The following SYDE2 variants were observed in gnomAD, a reference collection of about 807,000 sequenced individuals.
The protein encoded by SYDE2 is rho GTPase-activating protein SYDE2.
SYDE2 carries 76 observed loss-of-function variants against 91.5 expected under a neutral mutation model. The ratio of observed to expected loss-of-function variants is 0.83; its 90% CI spans 0.69 to 1.01. SYDE2 has a LOEUF of 1.01. SYDE2 is among the 50% of genes least tolerant of loss of function. The pLI, the probability that SYDE2 is intolerant of heterozygous loss-of-function variation, is 0.00. For missense variants in SYDE2, 1,364 were observed against 1,367.7 expected (o/e 1.00, Z 0.04); for synonymous variants, 513 against 506.4 (o/e 1.01, Z -0.18).
In SYDE2 at chr1:85,163,540, A is replaced by G. The variant is rs1206834942; in HGVS notation, c.3085+986T>C. ...TCACTTTGTGCTAAACATTTTGCTCATTGCCTTAGATGCTTTATCTCAATC... is the reference window on the plus strand; with the variant it reads ...TCACTTTGTGCTAAACATTTTGCTCGTTGCCTTAGATGCTTTATCTCAATC... On this transcript the variant is annotated intron_variant, in intron 6 of 6. Transcript: ENST00000341460. Among the ~76,000 whole-genome samples the G allele has an allele frequency of 2.1e-5, 3 of 145,050 alleles. No individual in the cohort carries two copies. In the South Asian group the frequency reaches 6.7e-4, roughly 33 times the overall value.
chr1:85,172,331 G>A (rs1228227258), intron 4 of SYDE2, among the ~76,000 whole-genome samples: 3 of 152,168 alleles, frequency 2.0e-5, no homozygotes, highest in Non-Finnish European at 4.4e-5. Flanking sequence ...ATATTAAGTA[G>A]ACACTCCAGA....
chr1:85,198,860 T>G (rs1658700887), intron 1 of SYDE2, among the ~76,000 whole-genome samples: 1 of 152,132 alleles, frequency 6.6e-6, no homozygotes, highest in Non-Finnish European at 1.5e-5. Context: ...TGATTACAAA[T>G]TACTCCTGGA....
chr1:85,162,194 A>G lies in SYDE2; in HGVS notation c.3085+2332T>C, dbSNP rs1003665216. Among the ~76,000 whole-genome samples, 13 of 152,360 alleles carry G rather than the reference A, an allele frequency of 8.5e-5. No homozygotes were observed. In the East Asian group the frequency reaches 2.3e-3, roughly 27 times the overall value. On this transcript the variant is annotated intron_variant, in intron 6 of 6. Transcript: ENST00000341460. The stretch of plus-strand genomic sequence containing the variant: ...ACATGAAACAAAACAAAAAGTTTAG[A>G]AAATAAAAAATAAGGGGGCGACTCT...
intron 3 of SYDE2, among the ~76,000 whole-genome samples, chr1:85,178,771 CT>C (rs1282344178): frequency 6.6e-6 from 1 of 150,692 alleles, no homozygotes; most frequent in Non-Finnish European, 1.5e-5. Context: ...CTATATAAAA[CT>C]TTTTAAGAAA....
Position 85,157,375 on chromosome 1 carries a change from ATAAGT to A in SYDE2, c.*1370_*1374del, listed in dbSNP as rs1353857712. 6.6e-6 allele frequency: 1 copy of A among 152,160 alleles called. No homozygotes were observed. The highest frequency in any genetic ancestry group is 1.5e-5 in the Non-Finnish European group (1 of 67,980). The allele number at this position is 152,160 out of a possible 1,614,324, so 9.4% of individuals were successfully genotyped here. The stretch of plus-strand genomic sequence containing the variant: ...AACATTGTATATATACTTAGCCAAA[ATAAGT>A]TAATTTTTAAAAATCAGTAACATGT... On this transcript the variant is annotated 3_prime_UTR_variant, in exon 7 of 7. Transcript: ENST00000341460.
At chr1:85,194,298 G>A (rs1248399818) in intron 1 of SYDE2, among the ~76,000 whole-genome samples, 1 of 150,610 alleles carries the variant, frequency 6.6e-6, no homozygotes, top group African/African-American at 2.4e-5. Context: ...AAGAGTTTTA[G>A]CTTCATATAT....
downstream of SYDE2, among the ~76,000 whole-genome samples, chr1:85,155,550 A>G (rs974047222): frequency 2.0e-5 from 3 of 152,238 alleles, no homozygotes; most frequent in Non-Finnish European, 4.4e-5. Flanking sequence ...TGCAAAAGCC[A>G]TGACCCAATT....
intron 1 of SYDE2, among the ~76,000 whole-genome samples, chr1:85,196,021 T>C (rs1021285409): frequency 1.3e-5 from 2 of 152,210 alleles, no homozygotes; most frequent in African/African-American, 2.4e-5. Flanking sequence ...ACCATTGTCC[T>C]ATACGGCCTC....
chr1:85,166,352 ATT>A, intron 5 of SYDE2, among the ~76,000 whole-genome samples: 1 of 144,330 alleles, frequency 6.9e-6, no homozygotes, highest in African/African-American at 2.5e-5. Flanking sequence ...AAAAAAAAAA[ATT>A]TTTTTTTTTT....
At chr1:85,180,642 A>T (rs1429630614) in intron 3 of SYDE2, among the ~76,000 whole-genome samples, 1 of 151,526 alleles carries the variant, frequency 6.6e-6, no homozygotes, top group Non-Finnish European at 1.5e-5. Flanking sequence ...GTGAGCTGAG[A>T]CTGCGCCATT....
chr1:85,200,168 CTT>C, intron 1 of SYDE2, 82 bp downstream of exon 1: 1 of 1,586,220 alleles, frequency 6.3e-7, no homozygotes, highest in Non-Finnish European at 8.5e-7. Flanking sequence ...AAAAACATAA[CTT>C]TTTCTTGGCT....
chr1:85,182,803 C>T lies in SYDE2; in HGVS notation c.1839G>A (p.Lys613=), dbSNP rs1369207654. The part of the protein sequence containing the change: ...SYQKKNSMSS[K]YSCKGGYLSD... ...TAAGGTAACCACCTTTGCAGGAATA[C>T]TTAGAACTCATAGAGTTTTTCTTCT... is the stretch of plus-strand genomic sequence containing the variant. Residue 613 remains lysine, a synonymous_variant, in exon 3 of 7, where the codon AAG becomes AAA. Transcript: ENST00000341460. 1 of 1,613,888 alleles carries T rather than the reference C, an allele frequency of 6.2e-7. No individual in the cohort carries two copies. Among genetic ancestry groups the T allele is most frequent in the Non-Finnish European group, 8.5e-7 (1 of 1,179,854 alleles).
chr1:85,198,003 T>C (rs1196862601), intron 1 of SYDE2, among the ~76,000 whole-genome samples: 1 of 152,174 alleles, frequency 6.6e-6, no homozygotes, highest in Non-Finnish European at 1.5e-5. Context: ...GATTCTCCCA[T>C]CTTCTTTGCA....
At chr1:85,175,584 T>A (rs1657667769) in intron 4 of SYDE2, among the ~76,000 whole-genome samples, 1 of 152,238 alleles carries the variant, frequency 6.6e-6, no homozygotes, top group African/African-American at 2.4e-5. Flanking sequence ...TTTCATTCCA[T>A]GCTCCAGACA....
At chr1:85,183,731 A>C (rs1281995749) in intron 2 of SYDE2, among the ~76,000 whole-genome samples, 1 of 149,132 alleles carries the variant, frequency 6.7e-6, no homozygotes, top group East Asian at 1.9e-4. Context: ...ATTATAGTAC[A>C]ATTCTACTGG....
At chr1:85,184,250 C>T (rs558425272) in intron 2 of SYDE2, among the ~76,000 whole-genome samples, 1 of 152,106 alleles carries the variant, frequency 6.6e-6, no homozygotes, top group Non-Finnish European at 1.5e-5. Flanking sequence ...AAATGAATAA[C>T]CAATTGTTAG....
chr1:85,191,451 C>T lies in SYDE2; in HGVS notation c.746-699G>A, dbSNP rs868136083. ...GAGAAATAAGAATGAACAAAACAAT[C>T]CCTTCCCTTAAGAAATTCATAGTCC... is the stretch of plus-strand genomic sequence containing the variant. On this transcript the variant is annotated intron_variant, in intron 1 of 6. Coordinates refer to ENST00000341460, the MANE Select transcript of SYDE2 (RefSeq NM_032184.2). 3.4e-4 allele frequency among the ~76,000 whole-genome samples: 52 copies of T among 152,184 alleles called. 1 individual carries two copies. The highest frequency in any genetic ancestry group is 6.8e-3 in the Middle Eastern group (2 of 294).
At chr1:85,156,152 T>C (rs1656877606), downstream of SYDE2, among the ~76,000 whole-genome samples, 2 of 152,204 alleles carry the variant, frequency 1.3e-5, no homozygotes, top group Non-Finnish European at 2.9e-5. Context: ...TTGGTGTGGA[T>C]GGCAGACAGA....
At chr1:85,173,089 T>G (rs919411192) in intron 4 of SYDE2, among the ~76,000 whole-genome samples, 1 of 152,104 alleles carries the variant, frequency 6.6e-6, no homozygotes, top group Non-Finnish European at 1.5e-5. Context: ...AAGTCTGAAC[T>G]CCTAGTACCT....
Sources: gnomAD v4.1 joint callset for allele counts (sites outside exome capture counted in the v4.1 genomes callset) on GRCh38, gnomAD v4.1.1 for gene constraint, MANE v1.5 for transcripts, NCBI Gene and HGNC (gene_info 2026-07-23, HGNC 2026-07-21) for gene names.